Variants in EDIL3 observed in about 807,000 individuals in gnomAD.
The protein encoded by EDIL3 is EGF-like repeat and discoidin I-like domain-containing protein 3.
In EDIL3, 37 loss-of-function variants were observed where a neutral mutation model predicts 67.4. The observed-to-expected ratio is 0.55, with a 90% CI of 0.42 to 0.72. The LOEUF (loss-of-function observed/expected upper bound fraction) is 0.72. EDIL3 is among the 30% of genes least tolerant of loss of function. The probability of loss-of-function intolerance (pLI) is 0.00; values close to 1 mark genes in which losing one functional copy is unlikely to be tolerated. For missense variants in EDIL3, 527 were observed against 586.3 expected, an observed-to-expected ratio of 0.90 and a Z score of 1.04; for synonymous variants, 195 against 196.3, an observed-to-expected ratio of 0.99 and a Z score of 0.05.
chr5:84,303,808 C>CTGTGTG (rs199605264), intron 1 of EDIL3, among the ~76,000 whole-genome samples: 2,169 of 135,298 alleles, frequency 0.016, 13 homozygotes, highest in South Asian at 0.037. Flanking sequence ...CTCTCTCTCT[C>CTGTGTG]TGTGTGTGTG....
At chr5:84,325,775 G>A (rs1359787392) in intron 1 of EDIL3, among the ~76,000 whole-genome samples, 1 of 152,020 alleles carries the variant, frequency 6.6e-6, no homozygotes, top group Non-Finnish European at 1.5e-5. Flanking sequence ...AAAATGTGGT[G>A]TATAAATACA....
intron 3 of EDIL3, among the ~76,000 whole-genome samples, chr5:84,217,313 T>C (rs1430519685): frequency 1.3e-5 from 2 of 152,122 alleles, no homozygotes; most frequent in Admixed American, 6.5e-5. Flanking sequence ...CTGAAATAGG[T>C]TCTTTGGTAA....
intron 1 of EDIL3, among the ~76,000 whole-genome samples, chr5:84,369,252 A>G (rs1451468302): frequency 7.0e-6 from 1 of 143,406 alleles, no homozygotes; most frequent in Non-Finnish European, 1.5e-5. Flanking sequence ...ACATATAAAT[A>G]TACACACACA....
At chr5:84,176,360 C>A (rs904989831) in intron 4 of EDIL3, among the ~76,000 whole-genome samples, 1 of 81,830 alleles carries the variant, frequency 1.2e-5, no homozygotes, top group South Asian at 6.2e-4. Context: ...AATGTGATAA[C>A]ATGGGCCACT....
intron 5 of EDIL3, among the ~76,000 whole-genome samples, 176 bp from the exon 6 acceptor site, chr5:84,107,006 G>GCTTCTCATGACCCTCTCTTC (rs1156616118): frequency 7.9e-5 from 12 of 151,932 alleles, no homozygotes; most frequent in African/African-American, 4.8e-5. Flanking sequence ...AATAATTCTT[G>GCTTCTCATGACCCTCTCTTC]CTTCTCATGA....
intron 1 of EDIL3, among the ~76,000 whole-genome samples, chr5:84,281,800 A>G (rs535305780): frequency 1.3e-5 from 2 of 150,438 alleles, no homozygotes; most frequent in Non-Finnish European, 3.0e-5. Flanking sequence ...TATAATGAAC[A>G]CCTATGTATC....
chr5:84,375,070 C>A (rs1699882120), intron 1 of EDIL3, among the ~76,000 whole-genome samples: 1 of 151,580 alleles, frequency 6.6e-6, no homozygotes, highest in Non-Finnish European at 1.5e-5. Context: ...CTCCCAGGTT[C>A]AAGCAATTCT....
chr5:84,271,161 T>C (rs989410772), intron 1 of EDIL3, among the ~76,000 whole-genome samples: 2 of 152,172 alleles, frequency 1.3e-5, no homozygotes, highest in Admixed American at 6.5e-5. Flanking sequence ...TATTGTAATA[T>C]GAAATTAGAT....
In EDIL3 at chr5:84,028,684, G is replaced by A. The variant is rs142122902; in HGVS notation, c.1137+31616C>T. Among the ~76,000 whole-genome samples the A allele has an allele frequency of 7.4e-3, 1,127 of 151,942 alleles. 19 individuals carry two copies. The highest frequency in any genetic ancestry group is 0.026 in the African/African-American group (1,090 of 41,430). On this transcript the variant is annotated intron_variant, in intron 9 of 10. Coordinates refer to ENST00000296591, the MANE Select transcript of EDIL3 (RefSeq NM_005711.5). ...AATCTAAACATACAAACACATATATGTATGTATATGTGTGTAAAATATACA... is the reference window on the plus strand; with the variant it reads ...AATCTAAACATACAAACACATATATATATGTATATGTGTGTAAAATATACA...
chr5:84,152,945 ATATAC>A (rs1246735899), intron 4 of EDIL3, among the ~76,000 whole-genome samples: 1 of 152,218 alleles, frequency 6.6e-6, no homozygotes. Flanking sequence ...ATAGATACTA[ATATAC>A]TATACTAAAT....
chr5:84,022,244 C>T (rs1745731707), intron 9 of EDIL3, among the ~76,000 whole-genome samples: 1 of 151,774 alleles, frequency 6.6e-6, no homozygotes. Flanking sequence ...ACCAGGGATG[C>T]AAAGATTTAT....
At chr5:84,303,145 A>G (rs1453928841) in intron 1 of EDIL3, among the ~76,000 whole-genome samples, 2 of 152,156 alleles carry the variant, frequency 1.3e-5, no homozygotes, top group Non-Finnish European at 2.9e-5. Flanking sequence ...ATTTTGTTTC[A>G]GTTATCTACT....
chr5:84,305,630 G>A lies in EDIL3; in HGVS notation c.68-51418C>T, dbSNP rs184507358. On this transcript the variant is annotated intron_variant, in intron 1 of 10. Coordinates refer to ENST00000296591, the MANE Select transcript of EDIL3 (RefSeq NM_005711.5). ...TGCGGTGGCTCACGCCTGTAATCCC[G>A]GCATTTTGGGAGGCCAAGACGCGCG... 6.6e-3 allele frequency among the ~76,000 whole-genome samples: 1,011 copies of A among 152,174 alleles called. 6 individuals carry two copies. The highest frequency in any genetic ancestry group is 0.022 in the African/African-American group (930 of 41,526).
At chr5:84,190,233 T>C (rs1370224844) in intron 3 of EDIL3, among the ~76,000 whole-genome samples, 5 of 151,966 alleles carry the variant, frequency 3.3e-5, no homozygotes, top group African/African-American at 9.7e-5. Context: ...ACATAACTCA[T>C]AAAGCACACA....
chr5:84,380,811 T>C (rs1188808486), intron 1 of EDIL3, among the ~76,000 whole-genome samples: 1 of 152,086 alleles, frequency 6.6e-6, no homozygotes, highest in Admixed American at 6.5e-5. Context: ...CTTTTACTTT[T>C]AATGGTATCG....
chr5:84,125,529 A>T (rs1202342438), intron 5 of EDIL3, among the ~76,000 whole-genome samples: 2 of 152,104 alleles, frequency 1.3e-5, no homozygotes, highest in East Asian at 3.9e-4. Flanking sequence ...GGTGTGAGTG[A>T]ACTCTGATAC....
At chr5:84,206,460 G>C (rs1354093950) in intron 3 of EDIL3, among the ~76,000 whole-genome samples, 1 of 151,880 alleles carries the variant, frequency 6.6e-6, no homozygotes, top group East Asian at 1.9e-4. Context: ...TCAATTCCTG[G>C]GTATCCTTAA....
At chr5:84,048,375 T>C (rs780137873) in intron 9 of EDIL3, 7 of 278,518 alleles carry the variant, frequency 2.5e-5, no homozygotes, top group Non-Finnish European at 5.1e-5. Context: ...ATGGACTAAA[T>C]TAAATAAGGC....
chr5:84,204,181 T>C (rs1284253881), intron 3 of EDIL3, among the ~76,000 whole-genome samples: 1 of 152,180 alleles, frequency 6.6e-6, no homozygotes, highest in Non-Finnish European at 1.5e-5. Context: ...AATTTTTTCA[T>C]TAGAAAGTTG....
Sources: allele counts gnomAD v4.1 joint callset (sites outside exome capture counted in the v4.1 genomes callset), GRCh38; gene constraint gnomAD v4.1.1; transcripts MANE v1.5; gene names NCBI Gene and HGNC (gene_info 2026-07-23, HGNC 2026-07-21).